Variants in C19orf18 observed in about 807,000 individuals in gnomAD.
The protein encoded by C19orf18 is chromosome 19 open reading frame 18.
Under a neutral mutation model 23.3 loss-of-function variants are expected in C19orf18, and 21 were observed. The ratio of observed to expected loss-of-function variants is 0.90; its 90% CI spans 0.64 to 1.30. The LOEUF is 1.30. Ranked by LOEUF, C19orf18 falls within the 50% of genes most tolerant of loss-of-function variation. The pLI, the probability that C19orf18 is intolerant of heterozygous loss-of-function variation, is 0.00. For missense variants in C19orf18, 249 were observed against 259.6 expected (o/e 0.96, Z 0.28); for synonymous variants, 96 against 95.2 (o/e 1.01, Z -0.05).
At chr19:57,958,923 A>C (rs1460216942) in intron 5 of C19orf18, among the ~76,000 whole-genome samples, 2 of 152,216 alleles carry the variant, frequency 1.3e-5, no homozygotes, top group African/African-American at 2.4e-5. Context: ...AAGTTGTATA[A>C]ATGCCCAGTA....
chr19:57,962,681 C>T (rs1312612258), intron 4 of C19orf18, among the ~76,000 whole-genome samples: 1 of 152,038 alleles, frequency 6.6e-6, no homozygotes, highest in Non-Finnish European at 1.5e-5. Context: ...CATGGAGAAA[C>T]CCCGTCTGTA....
At chr19:57,973,968 A>C in intron 2 of C19orf18, 131 bp downstream of exon 2, 1 of 852,298 alleles carries the variant, frequency 1.2e-6, no homozygotes, top group African/African-American at 1.7e-5. Context: ...TTTCCAAGCA[A>C]ATGTTTATCT....
intron 1 of C19orf18, 32 bp downstream of exon 1, chr19:57,974,280 C>T: frequency 6.2e-7 from 1 of 1,613,526 alleles, no homozygotes; most frequent in Non-Finnish European, 8.5e-7. Flanking sequence ...TCAATTCTCC[C>T]TGAGTCACAT....
chr19:57,974,259 G>A, intron 1 of C19orf18, 53 bp downstream of exon 1: 2 of 1,613,612 alleles, frequency 1.2e-6, no homozygotes, highest in Non-Finnish European at 1.7e-6. Context: ...TATCTCCCCT[G>A]AAACAGCTTT....
At chr19:57,970,706 G>GGATTACAGGTGC (rs11267882) in intron 3 of C19orf18, among the ~76,000 whole-genome samples, 40,303 of 151,278 alleles carry the variant, frequency 0.27, 5,813 homozygotes, top group African/African-American at 0.38. Context: ...CGAGTAGCTG[G>GGATTACAGGTGC]CCTCCACCAT....
At chr19:57,969,576 A>AAAAAAAAAAAAAAAAAAAAAC (rs2072930985) in intron 3 of C19orf18, among the ~76,000 whole-genome samples, 7 of 124,976 alleles carry the variant, frequency 5.6e-5, no homozygotes, top group Non-Finnish European at 9.5e-5. Flanking sequence ...GAAAAAAAAA[A>AAAAAAAAAAAAAAAAAAAAAC]AAAAAAAAAA....
Position 57,958,509 on chromosome 19 carries a change from G to A in C19orf18, c.*93C>T, listed in dbSNP as rs1378303248. ...CTTTCTTTGATGTCCTCTTCCATAA[G>A]GTTCTCTGGGAGCAAGCCACGCCCA... is the stretch of plus-strand genomic sequence containing the variant. On this transcript the variant is annotated 3_prime_UTR_variant, in exon 6 of 6. Coordinates refer to ENST00000314391, the MANE Select transcript of C19orf18 (RefSeq NM_152474.5). The A allele has an allele frequency of 3.9e-6, 3 of 779,078 alleles. No homozygotes were observed. The highest frequency in any genetic ancestry group is 3.4e-5 in the South Asian group (2 of 58,932). 48.3% of individuals were successfully genotyped at this position (779,078 alleles called of 1,614,324 possible).
At chr19:57,961,181 G>C (rs2072868727) in intron 5 of C19orf18, among the ~76,000 whole-genome samples, 1 of 151,914 alleles carries the variant, frequency 6.6e-6, no homozygotes, top group Non-Finnish European at 1.5e-5. Context: ...CTTGCAGTGA[G>C]CAGAGATCGC....
At chr19:57,966,144 A>T (rs1214597093) in intron 4 of C19orf18, among the ~76,000 whole-genome samples, 1 of 151,816 alleles carries the variant, frequency 6.6e-6, no homozygotes, top group Non-Finnish European at 1.5e-5. Flanking sequence ...CGCCCGGCTA[A>T]TTTTTTGTAT....
chr19:57,967,570 T>C (rs560543836), intron 3 of C19orf18, among the ~76,000 whole-genome samples: 27 of 150,526 alleles, frequency 1.8e-4, no homozygotes, highest in Admixed American at 4.6e-4. Context: ...CTGGGCAACA[T>C]TGTGAAACCC....
chr19:57,960,007 G>C (rs558151646), intron 5 of C19orf18, among the ~76,000 whole-genome samples: 1 of 151,568 alleles, frequency 6.6e-6, no homozygotes, highest in East Asian at 2.0e-4. Context: ...TACTCGGGAG[G>C]CTGAGGCAGG....
chr19:57,963,150 C>T (rs1321945723), intron 4 of C19orf18, among the ~76,000 whole-genome samples: 1 of 151,408 alleles, frequency 6.6e-6, no homozygotes, highest in Non-Finnish European at 1.5e-5. Context: ...TCTCAGCCTC[C>T]CGAGTAGCTG....
At chr19:57,960,664 A>G (rs1348068954) in intron 5 of C19orf18, among the ~76,000 whole-genome samples, 1 of 152,108 alleles carries the variant, frequency 6.6e-6, no homozygotes, top group Non-Finnish European at 1.5e-5. Flanking sequence ...ACATCACGGT[A>G]ATGAGTATGT....
chr19:57,973,075 C>T lies in C19orf18; in HGVS notation c.227-571G>A, dbSNP rs545138498. On this transcript the variant is annotated intron_variant, in intron 2 of 5. Coordinates refer to ENST00000314391, the MANE Select transcript of C19orf18 (RefSeq NM_152474.5). ...AGGCAGGAGAATTGCTTGAACCCGG[C>T]GGTGGAGGTTGTGGTGAGCCGAGAT... 1.0e-4 allele frequency among the ~76,000 whole-genome samples: 13 copies of T among 127,980 alleles called. No individual in the cohort carries two copies. In the East Asian group the frequency reaches 1.4e-3, roughly 14 times the overall value. The allele number at this position is 127,980 out of a possible 152,430, so 84.0% of individuals were successfully genotyped here. A position where few individuals can be genotyped will look rare whatever the true frequency, so the allele number is the denominator to read the frequency against.
At chr19:57,961,638 G>T in intron 4 of C19orf18, 87 bp from the exon 5 acceptor site, 1 of 1,482,618 alleles carries the variant, frequency 6.7e-7, no homozygotes, top group South Asian at 1.2e-5. Flanking sequence ...GACAGGAAAG[G>T]AGTCGCTTGT....
rs143937565 is a variant in C19orf18 at position 57,968,253 on chromosome 19, C to T, written c.269-1621G>A. ...GTCATGGGGGTTCCACCCTCAAGACCGCATCACCTCCTAAAGGCCCCAACT... is the reference window on the plus strand; with the variant it reads ...GTCATGGGGGTTCCACCCTCAAGACTGCATCACCTCCTAAAGGCCCCAACT... On this transcript the variant is annotated intron_variant, in intron 3 of 5. Coordinates refer to ENST00000314391, the MANE Select transcript of C19orf18 (RefSeq NM_152474.5). 2.7e-4 allele frequency among the ~76,000 whole-genome samples: 41 copies of T among 152,292 alleles called. 1 individual carries two copies. The East Asian group carries it at 4.8e-3, about 18-fold the overall frequency.
intron 3 of C19orf18, among the ~76,000 whole-genome samples, chr19:57,970,531 T>C (rs1417474054): frequency 6.6e-6 from 1 of 152,184 alleles, no homozygotes; most frequent in Non-Finnish European, 1.5e-5. Context: ...TATTTAAGCT[T>C]GGCAGTTTCA....
chr19:57,965,501 A>C (rs954367949), intron 4 of C19orf18, among the ~76,000 whole-genome samples: 3 of 152,220 alleles, frequency 2.0e-5, no homozygotes, highest in African/African-American at 4.8e-5. Context: ...TAATCCCAGC[A>C]CTGGGAGGCC....
intron 2 of C19orf18, 138 bp from the exon 3 acceptor site, chr19:57,972,642 T>G: frequency 2.2e-6 from 2 of 921,712 alleles, no homozygotes; most frequent in Non-Finnish European, 3.3e-6. Context: ...TGGGATGTGT[T>G]AATACATTCC....
Sources: gnomAD v4.1 joint callset for allele counts (sites outside exome capture counted in the v4.1 genomes callset) on GRCh38, gnomAD v4.1.1 for gene constraint, MANE v1.5 for transcripts, NCBI Gene and HGNC (gene_info 2026-07-23, HGNC 2026-07-21) for gene names.